SELENOI: variants seen among roughly 807,000 people sequenced by gnomAD.
The protein encoded by SELENOI is selenoprotein I, also known as ethanolaminephosphotransferase 1.
SELENOI carries 24 observed loss-of-function variants against 50.7 expected under a neutral mutation model. The ratio of observed to expected loss-of-function variants is 0.47; its 90% CI spans 0.34 to 0.67. The LOEUF (loss-of-function observed/expected upper bound fraction) is 0.67, where lower values mean the gene tolerates loss of function less well. Ranked by LOEUF, SELENOI falls within the 30% of genes least tolerant of loss-of-function variation. SELENOI has a pLI of 0.01. For synonymous variants in SELENOI, 155 were observed against 170.2 expected, an observed-to-expected ratio of 0.91 and a Z score of 0.70; for missense variants, 352 against 461.4, an observed-to-expected ratio of 0.76 and a Z score of 2.17.
intron 1 of SELENOI, among the ~76,000 whole-genome samples, chr2:26,349,077 G>A (rs1381369341): frequency 4.8e-5 from 6 of 124,810 alleles, no homozygotes; most frequent in South Asian, 2.7e-4. Flanking sequence ...GTGCAATGGC[G>A]CGATCTCAGC....
chr2:26,354,632 T>C (rs1677029164), intron 1 of SELENOI, among the ~76,000 whole-genome samples: 1 of 152,038 alleles, frequency 6.6e-6, no homozygotes, highest in Non-Finnish European at 1.5e-5. Context: ...ACTTCATGAT[T>C]CGCCCGCCTT....
intron 1 of SELENOI, among the ~76,000 whole-genome samples, chr2:26,351,736 CTG>C (rs1468125599): frequency 6.6e-6 from 1 of 152,174 alleles, no homozygotes; most frequent in African/African-American, 2.4e-5. Flanking sequence ...CTGTAGATCA[CTG>C]TGTGGTTCAA....
intron 1 of SELENOI, among the ~76,000 whole-genome samples, chr2:26,351,427 A>C (rs1391286111): frequency 2.6e-5 from 4 of 152,218 alleles, no homozygotes; most frequent in Admixed American, 6.5e-5. Flanking sequence ...TTTTGAGAGA[A>C]TATCATAGCA....
At chr2:26,348,814 TAA>T (rs35849622) in intron 1 of SELENOI, among the ~76,000 whole-genome samples, 6 of 142,382 alleles carry the variant, frequency 4.2e-5, no homozygotes, top group Non-Finnish European at 6.2e-5. Context: ...GAAGTATGGT[TAA>T]AAAAAAAAAA....
rs372567603 is a variant in SELENOI, at chr2:26,373,452, A to T, written c.396A>T (p.Ser132=). ...ELFDHGLDSW[S]CVYFVVTVYS... ...TTGATCATGGCCTGGATAGTTGGTC[A>T]TGTGTTTACTTTGTTGTGACTGTTT... Residue 132 remains serine, a synonymous_variant, in exon 5 of 10, where the codon TCA becomes TCT. Transcript: ENST00000260585. 7 of 1,613,762 alleles carry T rather than the reference A, an allele frequency of 4.3e-6. No homozygotes were observed. The highest frequency in any genetic ancestry group is 5.1e-6 in the Non-Finnish European group (6 of 1,179,836).
chr2:26,352,614 T>A (rs1033152890), intron 1 of SELENOI, among the ~76,000 whole-genome samples: 6 of 152,080 alleles, frequency 3.9e-5, no homozygotes, highest in African/African-American at 1.4e-4. Context: ...TGAAACCCTG[T>A]CTCTACTAAA....
In SELENOI at chr2:26,391,417, C is replaced by G. The variant is rs1677965627; in HGVS notation, c.*2314C>G. 1 of 152,194 alleles carries G rather than the reference C, an allele frequency of 6.6e-6. No homozygotes were observed. The highest frequency in any genetic ancestry group is 1.5e-5 in the Non-Finnish European group (1 of 68,040). 9.4% of individuals were successfully genotyped at this position (152,194 alleles called of 1,614,324 possible). On this transcript the variant is annotated 3_prime_UTR_variant, in exon 10 of 10. Coordinates refer to ENST00000260585, the MANE Select transcript of SELENOI (RefSeq NM_033505.4). ...TTGTGTAGAGATATAGCAGCTGAAG[C>G]AGGACTTCATTCCAGATAGCTGTGT...
At chr2:26,359,649 A>G (rs535114890) in intron 1 of SELENOI, among the ~76,000 whole-genome samples, 1 of 152,266 alleles carries the variant, frequency 6.6e-6, no homozygotes, top group Admixed American at 6.5e-5. Flanking sequence ...TCTCAAAAAA[A>G]AGAAAAATTA....
At position 26,389,021 on chromosome 2, in the gene SELENOI, G is replaced by T; in HGVS notation, c.1112G>T (p.Ser371Ile). The change falls in exon 10 of 10, where the codon AGC becomes ATC. Residue 371 changes from serine to isoleucine, a missense_variant. By Grantham distance (142) the Ser-to-Ile change is moderately radical. Coordinates refer to ENST00000260585, the MANE Select transcript of SELENOI (RefSeq NM_033505.4). ...YGVRVVKQLSSHFQIYPFSLR... is the reference protein window; with the variant it reads ...YGVRVVKQLSIHFQIYPFSLR... ...TTTTCATAGGTAAAGCAGCTGAGCA[G>T]CCATTTTCAGATTTACCCCTTCTCA... 1 of 1,587,124 alleles carries T rather than the reference G, an allele frequency of 6.3e-7. No homozygotes were observed.
At chr2:26,375,873 A>G (rs1267474512) in intron 6 of SELENOI, among the ~76,000 whole-genome samples, 1 of 152,136 alleles carries the variant, frequency 6.6e-6, no homozygotes, top group Admixed American at 6.6e-5. Flanking sequence ...TTGGGAGGCC[A>G]AAGTGGGAGA....
Position 26,389,201 on chromosome 2 carries a change from G to C in SELENOI, c.*98G>C. 1.0e-6 allele frequency: 1 copy of C among 952,540 alleles called. No homozygotes were observed. The highest frequency in any genetic ancestry group is 1.5e-5 in the South Asian group (1 of 66,844). The allele number at this position is 952,540 out of a possible 1,614,324, so 59.0% of individuals were successfully genotyped here. On this transcript the variant is annotated 3_prime_UTR_variant, in exon 10 of 10. Coordinates refer to ENST00000260585, the MANE Select transcript of SELENOI (RefSeq NM_033505.4). ...AGACTGATCTGCTTGACAGACGTGG[G>C]ATCTCAGTATGGTACTTGGACAGCA...
chr2:26,359,896 T>C (rs1677139828), intron 1 of SELENOI, among the ~76,000 whole-genome samples: 1 of 152,108 alleles, frequency 6.6e-6, no homozygotes, highest in Admixed American at 6.6e-5. Flanking sequence ...CAATGGTGTA[T>C]AAGGTTAGGC....
At chr2:26,356,021 C>T (rs1300128897) in intron 1 of SELENOI, among the ~76,000 whole-genome samples, 7 of 152,286 alleles carry the variant, frequency 4.6e-5, no homozygotes, top group African/African-American at 1.7e-4. Context: ...GCATTATTGG[C>T]GTGAGCCACC....
rs1677914096 is a variant in SELENOI at position 26,389,363 on chromosome 2, A to C, written c.*260A>C. 1 of 341,288 alleles carries C rather than the reference A, an allele frequency of 2.9e-6. No individual in the cohort carries two copies. Among genetic ancestry groups the C allele is most frequent in the African/African-American group, 2.1e-5 (1 of 48,478 alleles). 21.1% of individuals were successfully genotyped at this position (341,288 alleles called of 1,614,324 possible). ...CCAGCAAAATGTTCCTAATGGTTCT[A>C]ACTTCGTGAGTTTACAATGTTGTGA... is the stretch of plus-strand genomic sequence containing the variant. On this transcript the variant is annotated 3_prime_UTR_variant, in exon 10 of 10. Coordinates refer to ENST00000260585, the MANE Select transcript of SELENOI (RefSeq NM_033505.4).
chr2:26,379,194 G>T (rs1298918465), intron 6 of SELENOI, among the ~76,000 whole-genome samples: 2 of 152,194 alleles, frequency 1.3e-5, no homozygotes, highest in African/African-American at 4.8e-5. Flanking sequence ...AACCTGGGAG[G>T]TGGAGGTTGC....
At chr2:26,364,175 T>G (rs1574754193) in intron 1 of SELENOI, 127 bp from the exon 2 acceptor site, 2 of 665,798 alleles carry the variant, frequency 3.0e-6, no homozygotes, top group East Asian at 3.1e-5. Context: ...CCTCAGCCTT[T>G]TGAGTAGCTG....
intron 1 of SELENOI, among the ~76,000 whole-genome samples, chr2:26,348,978 TCC>T (rs1676886743): frequency 6.9e-6 from 1 of 144,534 alleles, no homozygotes. Context: ...CCTCTACCCA[TCC>T]TTTGTTTTGG....
chr2:26,347,922 G>C (rs914314381), intron 1 of SELENOI, among the ~76,000 whole-genome samples: 3 of 152,124 alleles, frequency 2.0e-5, no homozygotes, highest in Admixed American at 6.5e-5. Context: ...GTATCTGACA[G>C]CAGATGACTT....
In SELENOI at chr2:26,389,231, T is replaced by G. The variant is rs2147965031; in HGVS notation, c.*128T>G. The G allele has an allele frequency of 1.4e-6, 1 of 703,320 alleles. No individual in the cohort carries two copies. Among genetic ancestry groups the G allele is most frequent in the African/African-American group, 1.8e-5 (1 of 55,826 alleles). The allele number at this position is 703,320 out of a possible 1,614,324, so 43.6% of individuals were successfully genotyped here. A position where few individuals can be genotyped will look rare whatever the true frequency, so the allele number is the denominator to read the frequency against. ...CAGTATGGTACTTGGACAGCAGGAA[T>G]GATACATATAATCTGAACTTGGGAA... On this transcript the variant is annotated 3_prime_UTR_variant, in exon 10 of 10. Coordinates refer to ENST00000260585, the MANE Select transcript of SELENOI (RefSeq NM_033505.4).
Sources: gnomAD v4.1 joint callset for allele counts (sites outside exome capture counted in the v4.1 genomes callset) on GRCh38, gnomAD v4.1.1 for gene constraint, MANE v1.5 for transcripts, NCBI Gene and HGNC (gene_info 2026-07-23, HGNC 2026-07-21) for gene names.